Variants in NMNAT1 observed in about 807,000 individuals in gnomAD.
The protein encoded by NMNAT1 is nicotinamide nucleotide adenylyltransferase 1.
NMNAT1 carries 11 observed loss-of-function variants against 16.7 expected under a neutral mutation model. That is an observed-to-expected ratio of 0.66 (90% CI 0.41 to 1.09). The LOEUF (loss-of-function observed/expected upper bound fraction) is 1.09, where lower values mean the gene tolerates loss of function less well. Among genes scored for constraint, NMNAT1 ranks in the 50% least tolerant of loss-of-function variants. The pLI is 0.00. For missense variants in NMNAT1, 280 were observed against 332.3 expected, an observed-to-expected ratio of 0.84 and a Z score of 1.22; for synonymous variants, 110 against 119.8, an observed-to-expected ratio of 0.92 and a Z score of 0.53.
At position 9,972,033 on chromosome 1, in the gene NMNAT1, TCA is replaced by T. The variant is rs1641700182; in HGVS notation, c.-38_-37del. ...TCCTTTGTAGACAACAAGGGAGGTG[TCA>T]CAGTTTTCCATTTAGATCAACAACT... On this transcript the variant is annotated 5_prime_UTR_variant, in exon 2 of 5. Coordinates refer to ENST00000377205, the MANE Select transcript of NMNAT1 (RefSeq NM_022787.4). 1 of 1,000,164 alleles carries T rather than the reference TCA, an allele frequency of 1.0e-6. No individual in the cohort carries two copies. The highest frequency in any genetic ancestry group is 2.4e-5 in the East Asian group (1 of 42,084). The allele number at this position is 1,000,164 out of a possible 1,614,324, so 62.0% of individuals were successfully genotyped here.
chr1:9,948,281 A>C (rs1253875488), intron 1 of NMNAT1, among the ~76,000 whole-genome samples: 1 of 152,174 alleles, frequency 6.6e-6, no homozygotes, highest in South Asian at 2.1e-4. Flanking sequence ...TTTCTCAAGA[A>C]ATGGAGTTGT....
At chr1:9,962,678 T>C (rs1202317976) in intron 1 of NMNAT1, among the ~76,000 whole-genome samples, 1 of 4,524 alleles carries the variant, frequency 2.2e-4, no homozygotes, top group African/African-American at 3.1e-4. Flanking sequence ...CAAATAAGGG[T>C]TTTTTTTTTT....
In NMNAT1 at chr1:9,982,437, TG is replaced by T; in HGVS notation, c.577del (p.Ala193LeufsTer21). Reference sequence around the variant, plus strand: ...TATGTGTTACTCGGGCTGGAAATGATGCTCAGAAGTTTATCTATGAATCGGA... The same window carrying T: ...TATGTGTTACTCGGGCTGGAAATGATCTCAGAAGTTTATCTATGAATCGGA... Reference protein sequence around the residue: ...LICVTRAGNDAQKFIYESDVL... With the variant: ...LICVTRAGNDXQKFIYESDVL... On this transcript the variant is annotated frameshift_variant, in exon 5 of 5. Coordinates refer to ENST00000377205, the MANE Select transcript of NMNAT1 (RefSeq NM_022787.4). LOFTEE classifies it high-confidence loss of function. 6.2e-7 allele frequency: 1 copy of T among 1,614,152 alleles called. No individual in the cohort carries two copies.
chr1:9,945,042 C>T (rs916539648), intron 1 of NMNAT1, among the ~76,000 whole-genome samples: 39 of 152,142 alleles, frequency 2.6e-4, no homozygotes, highest in African/African-American at 9.4e-4. Context: ...AAAACCAGCC[C>T]GGCCAACATG....
chr1:9,993,296 C>T, the NMNAT1 span, among the ~76,000 whole-genome samples: 5 of 152,012 alleles, frequency 3.3e-5, no homozygotes, highest in South Asian at 4.2e-4. Context: ...CTGACCGATA[C>T]GGTGAAACCT....
At chr1:9,959,373 GAA>G (rs70998331) in intron 1 of NMNAT1, among the ~76,000 whole-genome samples, 82 of 117,596 alleles carry the variant, frequency 7.0e-4, no homozygotes, top group African/African-American at 2.5e-3. Flanking sequence ...CTCCATCTTG[GAA>G]AAAAAAAAAA....
downstream of NMNAT1, among the ~76,000 whole-genome samples, chr1:9,987,752 C>A (rs1252468415): frequency 6.6e-6 from 1 of 152,052 alleles, no homozygotes; most frequent in Non-Finnish European, 1.5e-5. Flanking sequence ...TTGCTTGAGC[C>A]TGGGATCTGG....
chr1:9,996,870 ACTC>A, the NMNAT1 span, among the ~76,000 whole-genome samples: 1 of 152,032 alleles, frequency 6.6e-6, no homozygotes, highest in South Asian at 2.1e-4. Flanking sequence ...AGAAAAATAA[ACTC>A]CTATTTATTG....
At chr1:9,975,838 C>A in intron 3 of NMNAT1, 63 bp downstream of exon 3, 1 of 1,327,990 alleles carries the variant, frequency 7.5e-7, no homozygotes, top group Admixed American at 2.0e-5. Context: ...TATGTTTTTA[C>A]CATGTTTCAA....
chr1:9,957,193 C>T (rs967753137), intron 1 of NMNAT1, among the ~76,000 whole-genome samples: 1 of 152,056 alleles, frequency 6.6e-6, no homozygotes, highest in Non-Finnish European at 1.5e-5. Flanking sequence ...GCATGTCAGG[C>T]TAATTTTGTA....
chr1:9,968,080 G>GTTTTTGTTTTT lies in NMNAT1; in HGVS notation c.-56-3933_-56-3932insGTTTTTTTTTT, dbSNP rs1553126653. ...TTTGCCAAATGTAGTTTTTTTTTTTGTTTTTTTTTGAGATGGAGTCTCGCT... is the reference window on the plus strand; with the variant it reads ...TTTGCCAAATGTAGTTTTTTTTTTTGTTTTTGTTTTTTTTTTTTTTGAGATGGAGTCTCGCT... On this transcript the variant is annotated intron_variant, in intron 1 of 4. Coordinates refer to ENST00000377205, the MANE Select transcript of NMNAT1 (RefSeq NM_022787.4). Among the ~76,000 whole-genome samples the GTTTTTGTTTTT allele has an allele frequency of 1.1e-4, 13 of 117,774 alleles. 1 individual carries two copies. Among genetic ancestry groups the GTTTTTGTTTTT allele is most frequent in the Admixed American group, 2.3e-4 (2 of 8,868 alleles). 77.3% of individuals were successfully genotyped at this position (117,774 alleles called of 152,430 possible).
At chr1:9,986,269 C>T (rs1016104146), downstream of NMNAT1, among the ~76,000 whole-genome samples, 2 of 152,160 alleles carry the variant, frequency 1.3e-5, no homozygotes, top group Non-Finnish European at 2.9e-5. Flanking sequence ...CCCCTACGTA[C>T]CCATTAACTT....
intron 1 of NMNAT1, among the ~76,000 whole-genome samples, chr1:9,954,982 T>G (rs192743614): frequency 2.1e-4 from 32 of 151,700 alleles, no homozygotes; most frequent in African/African-American, 7.7e-4. Context: ...CGTACTCAAA[T>G]TATAGAACAA....
At chr1:9,960,312 A>C (rs1337515493) in intron 1 of NMNAT1, among the ~76,000 whole-genome samples, 2 of 151,766 alleles carry the variant, frequency 1.3e-5, no homozygotes, top group Non-Finnish European at 2.9e-5. Context: ...AAAACAAAAA[A>C]ACCCTGGCTT....
At chr1:9,976,577 C>A (rs1176114322) in intron 3 of NMNAT1, among the ~76,000 whole-genome samples, 1 of 151,902 alleles carries the variant, frequency 6.6e-6, no homozygotes, top group East Asian at 1.9e-4. Flanking sequence ...TGAAGCAGTT[C>A]TAGTTAAGGG....
Position 9,982,365 on chromosome 1 carries a change from G to A in NMNAT1, c.504G>A (p.Leu168=). Reference sequence around the variant, plus strand: ...TGGAGTCCTTTGCTGTTCCCAATTTGTGGAAGAGTGAAGACATCACCCAAA... The same window carrying A: ...TGGAGTCCTTTGCTGTTCCCAATTTATGGAAGAGTGAAGACATCACCCAAA... ...DLLESFAVPN[L]WKSEDITQIV... The change falls in exon 5 of 5, where the codon TTG becomes TTA. Residue 168 remains leucine (L), a synonymous_variant. Coordinates refer to ENST00000377205, the MANE Select transcript of NMNAT1 (RefSeq NM_022787.4). The A allele has an allele frequency of 6.2e-7, 1 of 1,614,182 alleles. No homozygotes were observed. Among genetic ancestry groups the A allele is most frequent in the Non-Finnish European group, 8.5e-7 (1 of 1,180,036 alleles).
At chr1:9,944,938 C>T (rs1010997959) in intron 1 of NMNAT1, among the ~76,000 whole-genome samples, 8 of 152,264 alleles carry the variant, frequency 5.3e-5, no homozygotes, top group Admixed American at 3.3e-4. Context: ...CAAAGAATTT[C>T]CTTTGCAAAA....
chr1:9,960,846 TAG>T (rs1557462655), intron 1 of NMNAT1: 1 of 152,190 alleles, frequency 6.6e-6, no homozygotes, highest in Non-Finnish European at 1.5e-5. Flanking sequence ...TCAGTCCCGT[TAG>T]AGTTTCCAAA....
chr1:9,973,869 G>A (rs1009906836), intron 2 of NMNAT1, among the ~76,000 whole-genome samples: 3 of 151,376 alleles, frequency 2.0e-5, no homozygotes, highest in South Asian at 2.1e-4. Context: ...ACAGAGTCTC[G>A]CTCTGTCGCC....
Sources: allele counts gnomAD v4.1 joint callset (sites outside exome capture counted in the v4.1 genomes callset), GRCh38; gene constraint gnomAD v4.1.1; transcripts MANE v1.5; gene names NCBI Gene and HGNC (gene_info 2026-07-23, HGNC 2026-07-21).